PAN2: variants seen among roughly 807,000 people sequenced by gnomAD.
The protein encoded by PAN2 is poly(A) specific ribonuclease subunit PAN2.
Under a neutral mutation model 133.3 loss-of-function variants are expected in PAN2, and 68 were observed. The ratio of observed to expected loss-of-function variants is 0.51; its 90% CI spans 0.42 to 0.62. The LOEUF (loss-of-function observed/expected upper bound fraction) is 0.62. Ranked by LOEUF, PAN2 falls within the 20% of genes least tolerant of loss-of-function variation. PAN2 has a pLI of 0.00. For missense variants in PAN2, 1,042 were observed against 1,500.5 expected, an observed-to-expected ratio of 0.69 and a Z score of 5.05; for synonymous variants, 462 against 544.6, an observed-to-expected ratio of 0.85 and a Z score of 2.11.
intron 17 of PAN2, 124 bp downstream of exon 17, chr12:56,322,938 G>A: frequency 1.0e-5 from 14 of 1,341,324 alleles, no homozygotes; most frequent in Non-Finnish European, 1.5e-5. Flanking sequence ...CCCCTAACAG[G>A]TAAATACTAG....
intron 1 of PAN2, 98 bp from the exon 2 acceptor site, chr12:56,333,306 T>G: frequency 1.8e-6 from 1 of 563,882 alleles, no homozygotes; most frequent in Non-Finnish European, 3.2e-6. Flanking sequence ...GAGGCAGGCA[T>G]GAGGGATGAG....
intron 8 of PAN2, among the ~76,000 whole-genome samples, chr12:56,325,829 C>T (rs1875059102): frequency 6.6e-6 from 1 of 152,232 alleles, no homozygotes; most frequent in Admixed American, 6.5e-5. Context: ...TCCGGCCAGA[C>T]TGGTATACTC....
chr12:56,330,840 C>A (rs1243172560), intron 2 of PAN2, among the ~76,000 whole-genome samples: 1 of 151,964 alleles, frequency 6.6e-6, no homozygotes, highest in Admixed American at 6.6e-5. Flanking sequence ...GCCCTGTCAC[C>A]CAGGCAGGAG....
Position 56,326,736 on chromosome 12 carries a change from G to A in PAN2, c.1143C>T (p.Asp381=), listed in dbSNP as rs775892176. Residue 381 remains aspartate, a synonymous_variant, in exon 7 of 26, where the codon GAC becomes GAT. Coordinates refer to ENST00000440411, the MANE Select transcript of PAN2 (RefSeq NM_014871.6). The part of the protein sequence containing the change: ...ETEFALPCLV[D]SLPPLDWSQD... ...GGCTCCAGTCCAGAGGAGGCAGTGA[G>A]TCCACGAGACACGGCAAAGCAAACT... The A allele has an allele frequency of 2.5e-6, 4 of 1,614,128 alleles. No individual in the cohort carries two copies. In the South Asian group the frequency reaches 4.4e-5, roughly 18 times the overall value.
intron 17 of PAN2, 81 bp from the exon 18 acceptor site, chr12:56,322,839 G>A: frequency 1.4e-6 from 2 of 1,432,544 alleles, no homozygotes; most frequent in Non-Finnish European, 9.6e-7. Flanking sequence ...ACAGGGAGTT[G>A]GGGGTATGGG....
chr12:56,321,198 C>T (rs1025850792), intron 20 of PAN2, among the ~76,000 whole-genome samples: 2 of 151,186 alleles, frequency 1.3e-5, no homozygotes, highest in Non-Finnish European at 2.9e-5. Flanking sequence ...ATAGCTGGGA[C>T]CACAAGTATA....
intron 2 of PAN2, among the ~76,000 whole-genome samples, chr12:56,331,699 C>CG (rs1018629494): frequency 1.4e-4 from 7 of 51,214 alleles, no homozygotes; most frequent in African/African-American, 2.0e-4. Context: ...TGAAGGACAG[C>CG]GTTTTTTTTT....
Position 56,326,850 on chromosome 12 carries a change from C to G in PAN2, c.1029G>C (p.Gln343His). The G allele has an allele frequency of 6.2e-7, 1 of 1,614,232 alleles. No homozygotes were observed. Among genetic ancestry groups the G allele is most frequent in the South Asian group, 1.1e-5 (1 of 91,090 alleles). ...CCTCAGAATCCCCAAAGGCCAGAGC[C>G]TGCTTGCTGGCTGACACATCAAATG... is the stretch of plus-strand genomic sequence containing the variant. ...LMTFDVSASK[Q>H]ALAFGDSEGC... is the part of the protein sequence containing the mutation. The change falls in exon 7 of 26, where the codon CAG becomes CAC. Residue 343 changes from glutamine to histidine, a missense_variant. Around this residue, in one of 3 missense-constraint regions of PAN2, gnomAD observed 908 missense variants for 1,223.5 expected, o/e 0.74. Coordinates refer to ENST00000440411, the MANE Select transcript of PAN2 (RefSeq NM_014871.6).
At position 56,319,063 on chromosome 12, in the gene PAN2, G is replaced by A; in HGVS notation, c.3364+25C>T. 6.2e-7 allele frequency: 1 copy of A among 1,607,952 alleles called. No homozygotes were observed. Among genetic ancestry groups the A allele is most frequent in the Non-Finnish European group, 8.5e-7 (1 of 1,174,620 alleles). The stretch of plus-strand genomic sequence containing the variant: ...GCTGCTTCTGCTATTAATGTAGCAG[G>A]GGCCTACAAGGCAGAGCAACTCACC... On this transcript the variant is annotated intron_variant, in intron 24 of 25. Transcript: ENST00000440411. This position sits in a 1 kb window ranked among gnomAD's most constrained non-coding sequence, Gnocchi z 5.4.
rs1161543698 is a variant in PAN2, at chr12:56,319,469, G to C, written c.3109C>G (p.Gln1037Glu). 6.2e-7 allele frequency: 1 copy of C among 1,613,460 alleles called. No homozygotes were observed. The highest frequency in any genetic ancestry group is 8.5e-7 in the Non-Finnish European group (1 of 1,179,810). ...TCACCAGGCTTTATACCCGAGTATTGAGTCAAGTAATCCACCACCTAGGAA... is the reference window on the plus strand; with the variant it reads ...TCACCAGGCTTTATACCCGAGTATTCAGTCAAGTAATCCACCACCTAGGAA... ...TQEQVVDYLT[Q>E]YSGIKPGDLD... The change falls in exon 23 of 26, where the codon CAA (glutamine) becomes GAA (glutamate). Residue 1037 changes from glutamine (Q) to glutamate (E), a missense_variant. By Grantham distance (29) the Gln-to-Glu change is conservative. Coordinates refer to ENST00000440411, the MANE Select transcript of PAN2 (RefSeq NM_014871.6). The surrounding 1 kb of genome is among the most constrained non-coding windows in gnomAD (Gnocchi z 5.4).
chr12:56,328,572 C>T lies in PAN2; in HGVS notation c.352G>A (p.Asp118Asn). The T allele has an allele frequency of 6.2e-7, 1 of 1,614,190 alleles. No individual in the cohort carries two copies. The highest frequency in any genetic ancestry group is 8.5e-7 in the Non-Finnish European group (1 of 1,180,002). The stretch of plus-strand genomic sequence containing the variant: ...TCCAGGCTCTGGATCTGCCGAATAT[C>T]ATCACTGCCATTGACTTGAAAGGAT... ...YSSFQVNGSD[D>N]IRQIQSLENG... Residue 118 changes from aspartate (D) to asparagine (N), a missense_variant, in exon 3 of 26, where the codon GAT becomes AAT. Physicochemically the swap from Asp to Asn is conservative, Grantham distance 23. Transcript: ENST00000440411.
rs373116524 is a variant in PAN2, at chr12:56,324,384, A to G, written c.1838T>C (p.Ile613Thr). 1.2e-6 allele frequency: 2 copies of G among 1,614,202 alleles called. No homozygotes were observed. The highest frequency in any genetic ancestry group is 1.3e-5 in the African/African-American group (1 of 75,034). The change falls in exon 12 of 26, where the codon ATT (isoleucine) becomes ACT (threonine). Residue 613 changes from isoleucine to threonine, a missense_variant. Around this residue, in one of 3 missense-constraint regions of PAN2, gnomAD observed 908 missense variants for 1,223.5 expected, o/e 0.74. Coordinates refer to ENST00000440411, the MANE Select transcript of PAN2 (RefSeq NM_014871.6). ...ASGKGNLARL[I>T]QRWNRFILTQ... ...GAGAATGAAGCGATTCCACCTCTGA[A>G]TGAGCCTGGCCAGATTGCCCTTGCC...
At chr12:56,320,963 C>G (rs959171029) in intron 20 of PAN2, among the ~76,000 whole-genome samples, 1 of 150,062 alleles carries the variant, frequency 6.7e-6, no homozygotes, top group Admixed American at 6.7e-5. Flanking sequence ...ACTCGGGAGG[C>G]TGAGGCAGGA....
intron 3 of PAN2, 53 bp downstream of exon 3, chr12:56,328,419 T>C (rs1592444017): frequency 1.2e-6 from 2 of 1,605,756 alleles, no homozygotes; most frequent in Non-Finnish European, 1.7e-6. Flanking sequence ...CCCTTAGCCT[T>C]CCCACCCTAT....
chr12:56,326,931 G>A lies in PAN2; in HGVS notation c.948C>T (p.Gly316=). The stretch of plus-strand genomic sequence containing the variant: ...GAAAGATATCGGCTGGGTTGGCCAG[G>A]CCTGTGGGTTCACAGAATTGGCACT... ...SGQCQFCEPT[G]LANPADIFHV... Residue 316 remains glycine (G), a synonymous_variant, in exon 7 of 26, where the codon GGC becomes GGT. Coordinates refer to ENST00000440411, the MANE Select transcript of PAN2 (RefSeq NM_014871.6). 6.2e-7 allele frequency: 1 copy of A among 1,613,904 alleles called. No individual in the cohort carries two copies. The highest frequency in any genetic ancestry group is 8.5e-7 in the Non-Finnish European group (1 of 1,179,882).
intron 17 of PAN2, 35 bp downstream of exon 17, chr12:56,323,027 C>T: frequency 6.2e-7 from 1 of 1,612,536 alleles, no homozygotes; most frequent in Non-Finnish European, 8.5e-7. Flanking sequence ...CCTTCTCTCC[C>T]TTATTCCCTT....
In PAN2 at chr12:56,319,043, T is replaced by C; in HGVS notation, c.3364+45A>G. On this transcript the variant is annotated intron_variant, in intron 24 of 25. Coordinates refer to ENST00000440411, the MANE Select transcript of PAN2 (RefSeq NM_014871.6). The surrounding 1 kb of genome is among the most constrained non-coding windows in gnomAD (Gnocchi z 5.4). ...GATTTCTTTTTTTTTAAATGGCTGC[T>C]TCTGCTATTAATGTAGCAGGGGCCT... 2 of 1,560,158 alleles carry C rather than the reference T, an allele frequency of 1.3e-6. No individual in the cohort carries two copies. Among genetic ancestry groups the C allele is most frequent in the Non-Finnish European group, 1.8e-6 (2 of 1,131,182 alleles).
chr12:56,325,295 C>T (rs1185498385), intron 9 of PAN2, 40 bp downstream of exon 9: 14 of 1,611,882 alleles, frequency 8.7e-6, no homozygotes, highest in Non-Finnish European at 1.1e-5. Context: ...TCCCAGGGTA[C>T]CTTTCCCCAC....
chr12:56,322,768 G>A lies in PAN2; in HGVS notation c.2494-10C>T. 6.2e-7 allele frequency: 1 copy of A among 1,609,936 alleles called. No homozygotes were observed. Among genetic ancestry groups the A allele is most frequent in the South Asian group, 1.1e-5 (1 of 90,926 alleles). Reference sequence around the variant, plus strand: ...CCCTGGCTGGGCCCCACTGTGAGGGGGGTACCCAGGCTGCTAAGCTAAGTT... The same window carrying A: ...CCCTGGCTGGGCCCCACTGTGAGGGAGGTACCCAGGCTGCTAAGCTAAGTT... On this transcript the variant is annotated splice_polypyrimidine_tract_variant and intron_variant, in intron 17 of 25. Transcript: ENST00000440411.
Sources: gnomAD v4.1 joint callset for allele counts (sites outside exome capture counted in the v4.1 genomes callset) on GRCh38, gnomAD v4.1.1 for gene constraint, gnomAD v4.1.1 regional missense constraint, Gnocchi (gnomAD v3.1) non-coding constraint, MANE v1.5 for transcripts, NCBI Gene and HGNC (gene_info 2026-07-23, HGNC 2026-07-21) for gene names.